The following FBXO47 variants were observed in gnomAD, a reference collection of about 807,000 sequenced individuals.
The protein encoded by FBXO47 is F-box only protein 47.
A neutral mutation model predicts 53.9 loss-of-function variants in FBXO47; 34 were observed. The ratio of observed to expected loss-of-function variants is 0.63; its 90% CI spans 0.48 to 0.84. FBXO47 has a LOEUF of 0.84. Ranked by LOEUF, FBXO47 falls within the 40% of genes least tolerant of loss-of-function variation. The probability of loss-of-function intolerance (pLI) is 0.00; values close to 1 mark genes in which losing one functional copy is unlikely to be tolerated. For synonymous variants in FBXO47, 165 were observed against 181.6 expected (o/e 0.91, Z 0.73); for missense variants, 485 against 541.3 (o/e 0.90, Z 1.03).
At chr17:38,955,145 T>C (rs1283023616) in intron 4 of FBXO47, among the ~76,000 whole-genome samples, 1 of 152,128 alleles carries the variant, frequency 6.6e-6, no homozygotes, top group Non-Finnish European at 1.5e-5. Context: ...CCCAGCACTT[T>C]GGGAGGCCGA....
At chr17:38,962,766 A>G in intron 2 of FBXO47, 79 bp downstream of exon 2, 1 of 1,005,190 alleles carries the variant, frequency 9.9e-7, no homozygotes, top group East Asian at 2.5e-5. Flanking sequence ...GCATGGCCCA[A>G]GATGACAAAC....
chr17:38,964,394 G>A (rs1240161670), intron 1 of FBXO47, among the ~76,000 whole-genome samples: 21 of 152,100 alleles, frequency 1.4e-4, no homozygotes, highest in Admixed American at 1.4e-3. Context: ...TCAGGAGTTC[G>A]AGACCAGCCT....
intron 2 of FBXO47, 37 bp downstream of exon 2, chr17:38,962,808 G>A: frequency 2.0e-6 from 3 of 1,475,926 alleles, no homozygotes; most frequent in Non-Finnish European, 2.8e-6. Context: ...ATACTCTAGT[G>A]TCTTGTGTAG....
chr17:38,945,958 T>TATATAA (rs2143904698), intron 6 of FBXO47, among the ~76,000 whole-genome samples: 1 of 131,232 alleles, frequency 7.6e-6, no homozygotes, highest in South Asian at 2.3e-4. Context: ...AATATATATA[T>TATATAA]ATATATAAAT....
At chr17:38,939,883 G>A in intron 9 of FBXO47, among the ~76,000 whole-genome samples, 1 of 151,042 alleles carries the variant, frequency 6.6e-6, no homozygotes, top group Admixed American at 6.6e-5. Context: ...TAGCCAGGAT[G>A]GTCTCAATCT....
intron 1 of FBXO47, among the ~76,000 whole-genome samples, chr17:38,963,509 G>A (rs552708139): frequency 6.6e-6 from 1 of 151,844 alleles, no homozygotes; most frequent in African/African-American, 2.4e-5. Flanking sequence ...AATTTAAATA[G>A]TTTTAAAGTC....
intron 6 of FBXO47, among the ~76,000 whole-genome samples, chr17:38,950,118 C>T (rs778364659): frequency 4.6e-5 from 7 of 151,964 alleles, no homozygotes; most frequent in African/African-American, 1.2e-4. Flanking sequence ...ACACTATTTC[C>T]GAAAGTTTTT....
intron 1 of FBXO47, among the ~76,000 whole-genome samples, chr17:38,964,922 A>G (rs998747751): frequency 7.9e-5 from 12 of 151,954 alleles, no homozygotes; most frequent in Non-Finnish European, 1.5e-4. Flanking sequence ...GGTTCAAGTG[A>G]TTCTCCTGCC....
chr17:38,948,069 A>G (rs1162120344), intron 6 of FBXO47, among the ~76,000 whole-genome samples: 1 of 152,012 alleles, frequency 6.6e-6, no homozygotes, highest in African/African-American at 2.4e-5. Flanking sequence ...ACCACAGCCA[A>G]TTTTAGAACA....
Position 38,963,556 on chromosome 17 carries a change from A to C in FBXO47, c.-26-505T>G, listed in dbSNP as rs1172447311. Among the ~76,000 whole-genome samples the C allele has an allele frequency of 2.0e-5, 3 of 152,182 alleles. No individual in the cohort carries two copies. The East Asian group carries it at 5.8e-4, about 29-fold the overall frequency. ...CTCTTTTTTTATTGTTTCGAACAAA[A>C]AAAGTCAGTACTCAGTTTTAAATAA... On this transcript the variant is annotated intron_variant, in intron 1 of 10. Coordinates refer to ENST00000378079, the MANE Select transcript of FBXO47 (RefSeq NM_001008777.3).
chr17:38,946,994 A>G (rs1256368642), intron 6 of FBXO47, among the ~76,000 whole-genome samples: 3 of 137,324 alleles, frequency 2.2e-5, no homozygotes, highest in Non-Finnish European at 3.1e-5. Context: ...ATATATAAAC[A>G]TATACAAATA....
Position 38,937,214 on chromosome 17 carries a change from C to T in FBXO47, c.1320G>A (p.Glu440=). The T allele has an allele frequency of 6.2e-7, 1 of 1,606,136 alleles. No homozygotes were observed. The highest frequency in any genetic ancestry group is 8.5e-7 in the Non-Finnish European group (1 of 1,173,938). The change falls in exon 11 of 11, where the codon GAG becomes GAA. Residue 440 remains glutamate (E), a synonymous_variant. Coordinates refer to ENST00000378079, the MANE Select transcript of FBXO47 (RefSeq NM_001008777.3). ...LVHAQANFHK[E]VLYLTMNTPL... ...GAGTATTCATGGTCAAATACAGGAC[C>T]TCCTTATGGAAGTTAGCCTGAGCAT...
At chr17:38,941,244 A>C (rs1421859514) in intron 9 of FBXO47, among the ~76,000 whole-genome samples, 1 of 151,602 alleles carries the variant, frequency 6.6e-6, no homozygotes, top group East Asian at 1.9e-4. Flanking sequence ...TGATCTGCTC[A>C]CTGCAACCTC....
intron 4 of FBXO47, among the ~76,000 whole-genome samples, chr17:38,955,681 T>G (rs2143947749): frequency 6.6e-6 from 1 of 151,706 alleles, no homozygotes; most frequent in East Asian, 2.0e-4. Flanking sequence ...GCCGGTTTAG[T>G]AGAGACGGGG....
chr17:38,957,257 A>T lies in FBXO47; in HGVS notation c.353-4T>A. ...GTGCATCTTTTAAACAGTAGACCTA[A>T]GAAAGTAAAGAGACATAAGAAAAAA... On this transcript the variant is annotated splice_polypyrimidine_tract_variant and splice_region_variant and intron_variant, in intron 3 of 10. Transcript: ENST00000378079. The T allele has an allele frequency of 6.3e-7, 1 of 1,598,248 alleles. No individual in the cohort carries two copies. Among genetic ancestry groups the T allele is most frequent in the Non-Finnish European group, 8.6e-7 (1 of 1,166,536 alleles).
chr17:38,962,096 A>T (rs1315545287), intron 2 of FBXO47, 49 bp from the exon 3 acceptor site: 2 of 1,432,550 alleles, frequency 1.4e-6, no homozygotes, highest in Non-Finnish European at 1.9e-6. Context: ...TAAATGCAAG[A>T]ACGTCACTAT....
rs935991258 is a variant in FBXO47, at chr17:38,955,931, C to T, written c.430-998G>A. ...TGAGATCGTGCCACTGCACTCCAGC[C>T]TAGGCGGCAGAGCGAGACTCCATCT... On this transcript the variant is annotated intron_variant, in intron 4 of 10. Coordinates refer to ENST00000378079, the MANE Select transcript of FBXO47 (RefSeq NM_001008777.3). Among the ~76,000 whole-genome samples, 8 of 133,708 alleles carry T rather than the reference C, an allele frequency of 6.0e-5. No homozygotes were observed. The South Asian group carries it at 1.2e-3, about 20-fold the overall frequency. 87.7% of individuals were successfully genotyped at this position (133,708 alleles called of 152,430 possible).
At chr17:38,944,525 A>AC (rs1243042085) in intron 7 of FBXO47, among the ~76,000 whole-genome samples, 1 of 151,392 alleles carries the variant, frequency 6.6e-6, no homozygotes, top group African/African-American at 2.4e-5. Context: ...ACACGGTGAA[A>AC]CCCCATCTCT....
At chr17:38,954,996 C>A in intron 4 of FBXO47, 63 bp from the exon 5 acceptor site, 1 of 1,232,732 alleles carries the variant, frequency 8.1e-7, no homozygotes, top group Non-Finnish European at 1.2e-6. Context: ...AATGGTGGAA[C>A]AATGGTTTGA....
Sources: gnomAD v4.1 joint callset for allele counts (sites outside exome capture counted in the v4.1 genomes callset) on GRCh38, gnomAD v4.1.1 for gene constraint, MANE v1.5 for transcripts, NCBI Gene and HGNC (gene_info 2026-07-23, HGNC 2026-07-21) for gene names.